Variants in ZBTB14 observed in about 807,000 individuals in gnomAD.
ZBTB14 encodes the protein zinc finger and BTB domain-containing protein 14.
A neutral mutation model predicts 29.5 loss-of-function variants in ZBTB14; 8 were observed. That is an observed-to-expected ratio of 0.27 (90% CI 0.16 to 0.49). The LOEUF (loss-of-function observed/expected upper bound fraction) is 0.49. Ranked by LOEUF, ZBTB14 falls within the 20% of genes least tolerant of loss-of-function variation. The pLI, the probability that ZBTB14 is intolerant of heterozygous loss-of-function variation, is 0.99. For missense variants in ZBTB14, 333 were observed against 563.8 expected (o/e 0.59, Z 4.15); for synonymous variants, 226 against 207.2 (o/e 1.09, Z -0.78).
At chr18:5,296,282 GTGGGCGGGGCA>G (rs1161996112), upstream of ZBTB14, 1 of 150,710 alleles carries the variant, frequency 6.6e-6, no homozygotes, top group Non-Finnish European at 1.5e-5. Flanking sequence ...GGGAGAAGGA[GTGGGCGGGGCA>G]AGGGCGGGGC....
chr18:5,291,165 A>C lies in ZBTB14; in HGVS notation c.1043T>G (p.Leu348Ter). ...CGKSFIRAPD[L>*]KKHERVHSNE... ...ACTGTGAACTCTCTCATGCTTCTTT[A>C]AGTCTGGGGCACGGATAAATGATTT... The change falls in exon 4 of 4, where the codon TTA (leucine) becomes TGA (stop). Residue 348 changes from leucine (L) to a stop codon, truncating the protein, a stop_gained. Transcript: ENST00000651870. LOFTEE classifies it high-confidence loss of function. This position sits in a 1 kb window ranked among gnomAD's most constrained non-coding sequence, Gnocchi z 5.8. The C allele has an allele frequency of 6.2e-7, 1 of 1,614,194 alleles. No individual in the cohort carries two copies. Among genetic ancestry groups the C allele is most frequent in the Non-Finnish European group, 8.5e-7 (1 of 1,180,046 alleles).
chr18:5,291,102 G>A lies in ZBTB14; in HGVS notation c.1106C>T (p.Ala369Val). The A allele has an allele frequency of 6.2e-7, 1 of 1,614,230 alleles. No individual in the cohort carries two copies. Among genetic ancestry groups the A allele is most frequent in the Non-Finnish European group, 8.5e-7 (1 of 1,180,048 alleles). The stretch of plus-strand genomic sequence containing the variant: ...CTTGAGGTGAGACTTGTGTTTGAAG[G>A]CTTTGTCACACATGTGGCACGCAAA... ...RPFACHMCDK[A>V]FKHKSHLKDH... Residue 369 changes from alanine to valine, a missense_variant, in exon 4 of 4, where the codon GCC (alanine) becomes GTC (valine). By Grantham distance (64) the Ala-to-Val change is moderately conservative. This residue lies in a region of ZBTB14 where 140 missense variants were observed against 274.6 expected (regional missense o/e 0.51). Coordinates refer to ENST00000651870, the MANE Select transcript of ZBTB14 (RefSeq NM_001243702.2). This position sits in a 1 kb window ranked among gnomAD's most constrained non-coding sequence, Gnocchi z 5.8.
intron 1 of ZBTB14, 114 bp downstream of exon 1, chr18:5,295,538 C>A (rs1397666799): frequency 1.1e-4 from 16 of 144,436 alleles, no homozygotes; most frequent in African/African-American, 4.0e-4. Context: ...TGCGAGCGCG[C>A]GCGCGGGGCC....
chr18:5,296,355 G>T (rs1458964006), upstream of ZBTB14, among the ~76,000 whole-genome samples: 4 of 150,180 alleles, frequency 2.7e-5, no homozygotes, highest in Admixed American at 6.6e-5. Flanking sequence ...CACCCGCCCC[G>T]CCTCAAGCTC....
At position 5,292,120 on chromosome 18, in the gene ZBTB14, G is replaced by C; in HGVS notation, c.88C>G (p.Arg30Gly). The C allele has an allele frequency of 6.2e-7, 1 of 1,603,118 alleles. No individual in the cohort carries two copies. Among genetic ancestry groups the C allele is most frequent in the Non-Finnish European group, 8.5e-7 (1 of 1,179,760 alleles). The change falls in exon 4 of 4, where the codon CGC (arginine) becomes GGC (glycine). Residue 30 changes from arginine (R) to glycine (G), a missense_variant. Physicochemically the swap from Arg to Gly is moderately radical, Grantham distance 125. Transcript: ENST00000651870. ...ATATCACAAAATTCTCCTTCCAGGCGTTGTTCATTTAGTGTTTTCAGAAAC... is the reference window on the plus strand; with the variant it reads ...ATATCACAAAATTCTCCTTCCAGGCCTTGTTCATTTAGTGTTTTCAGAAAC... Reference protein sequence around the residue: ...TLFLKTLNEQRLEGEFCDIAI... With the variant: ...TLFLKTLNEQGLEGEFCDIAI...
rs2071943321 is a variant in ZBTB14 at position 5,295,665 on chromosome 18, TGGCGGCCGCC to T, written c.-135_-126del. On this transcript the variant is annotated 5_prime_UTR_variant, in exon 1 of 4. The change creates a premature stop within an existing upstream ORF in the 5' untranslated region. Transcript: ENST00000651870. Reference sequence around the variant, plus strand: ...CCCCGCTCGCACCGCGCCGCGCCGCTGGCGGCCGCCGCACATCCTGGAGCTGGCTGGTGCC... The same window carrying T: ...CCCCGCTCGCACCGCGCCGCGCCGCTGCACATCCTGGAGCTGGCTGGTGCC... The T allele has an allele frequency of 6.8e-6, 1 of 146,722 alleles. No individual in the cohort carries two copies. The highest frequency in any genetic ancestry group is 1.5e-5 in the Non-Finnish European group (1 of 66,380). 9.1% of individuals were successfully genotyped at this position (146,722 alleles called of 1,614,324 possible).
rs2071757102 is a variant in ZBTB14 at position 5,289,091 on chromosome 18, C to G, written c.*1767G>C. On this transcript the variant is annotated 3_prime_UTR_variant, in exon 4 of 4. Transcript: ENST00000651870. ...TATGGTTTGTTGAAGTAGCTATTGA[C>G]AAGATGTTAAAATTATTTTTCCTTT... 6.6e-6 allele frequency: 1 copy of G among 152,140 alleles called. No homozygotes were observed. Among genetic ancestry groups the G allele is most frequent in the Non-Finnish European group, 1.5e-5 (1 of 68,024 alleles). 9.4% of individuals were successfully genotyped at this position (152,140 alleles called of 1,614,324 possible).
At chr18:5,294,802 T>G (rs2071905744) in intron 1 of ZBTB14, 1 of 152,100 alleles carries the variant, frequency 6.6e-6, no homozygotes, top group Non-Finnish European at 1.5e-5. Context: ...AAAACTTACA[T>G]AAGCAGCTGC....
At chr18:5,295,449 T>C (rs1166588539) in intron 1 of ZBTB14, among the ~76,000 whole-genome samples, 1 of 143,920 alleles carries the variant, frequency 6.9e-6, no homozygotes, top group Non-Finnish European at 1.5e-5. Flanking sequence ...CCGCGCTGGG[T>C]TCGGGCCGTC....
At chr18:5,292,992 A>G (rs1049256157) in intron 3 of ZBTB14, among the ~76,000 whole-genome samples, 2 of 152,226 alleles carry the variant, frequency 1.3e-5, no homozygotes, top group Admixed American at 6.5e-5. Flanking sequence ...TAAGTACTTG[A>G]TAAGTGCTGA....
rs775171169 is a variant in ZBTB14, at chr18:5,291,873, C to A, written c.335G>T (p.Gly112Val). The A allele has an allele frequency of 2.9e-5, 47 of 1,614,172 alleles. No homozygotes were observed. Among genetic ancestry groups the A allele is most frequent in the Non-Finnish European group, 3.8e-5 (45 of 1,180,030 alleles). The change falls in exon 4 of 4, where the codon GGT becomes GTT. Residue 112 changes from glycine (G) to valine (V), a missense_variant. Around this residue, in one of 3 missense-constraint regions of ZBTB14, gnomAD observed 67 missense variants for 157.0 expected, o/e 0.43. Coordinates refer to ENST00000651870, the MANE Select transcript of ZBTB14 (RefSeq NM_001243702.2). This position sits in a 1 kb window ranked among gnomAD's most constrained non-coding sequence, Gnocchi z 5.8. ...CAAAAATCGGATACCAAGAATCTGA[C>A]CCGATGACATCATTAAGTTAACATC... ...KEDVNLMMSS[G>V]QILGIRFLDK...
rs969712958 is a variant in ZBTB14 at position 5,290,036 on chromosome 18, C to T, written c.*822G>A. On this transcript the variant is annotated 3_prime_UTR_variant, in exon 4 of 4. Transcript: ENST00000651870. ...TCTAGGAAATCTTGGGATTGTTACA[C>T]ATGTAAAAAACCTTATCTCTGAGAG... The T allele has an allele frequency of 2.3e-4, 35 of 152,298 alleles. No individual in the cohort carries two copies. Among genetic ancestry groups the T allele is most frequent in the African/African-American group, 8.4e-4 (35 of 41,566 alleles). 9.4% of individuals were successfully genotyped at this position (152,298 alleles called of 1,614,324 possible).
chr18:5,290,940 A>T lies in ZBTB14; in HGVS notation c.1268T>A (p.Ile423Asn). The part of the protein sequence containing the change: ...SERKQVTPSA[I>N]QSETEQLQAA... Reference sequence around the variant, plus strand: ...CTGCAACTGTTCTGTCTCGCTCTGGATGGCACTGGGGGTAACCTGCTTCCT... The same window carrying T: ...CTGCAACTGTTCTGTCTCGCTCTGGTTGGCACTGGGGGTAACCTGCTTCCT... Residue 423 changes from isoleucine to asparagine, a missense_variant, in exon 4 of 4, where the codon ATC (isoleucine) becomes AAC (asparagine). Ile to Asn is a moderately radical substitution (Grantham distance 149). Coordinates refer to ENST00000651870, the MANE Select transcript of ZBTB14 (RefSeq NM_001243702.2). The T allele has an allele frequency of 6.2e-7, 1 of 1,614,230 alleles. No individual in the cohort carries two copies. The highest frequency in any genetic ancestry group is 1.1e-5 in the South Asian group (1 of 91,074).
chr18:5,295,927 TGGA>T (rs1192249260), upstream of ZBTB14: 4 of 148,242 alleles, frequency 2.7e-5, no homozygotes, highest in Admixed American at 1.3e-4. Flanking sequence ...CAGTGTGTTT[TGGA>T]TTTTTTTTTG....
At chr18:5,295,608 CGGCCCCACGCCCAACCCT>C (rs2050294117) in intron 1 of ZBTB14, 26 bp downstream of exon 1, 1 of 145,240 alleles carries the variant, frequency 6.9e-6, no homozygotes, top group African/African-American at 2.5e-5. Context: ...CGGGGCGCCC[CGGCCCCACGCCCAACCCT>C]GGCCCACGCC....
intron 1 of ZBTB14, 37 bp downstream of exon 1, chr18:5,295,615 A>AC (rs1045695617): frequency 7.4e-6 from 1 of 135,128 alleles, no homozygotes; most frequent in African/African-American, 2.7e-5. Flanking sequence ...CCCCGGCCCC[A>AC]CGCCCAACCC....
chr18:5,295,387 G>A (rs2071930387), intron 1 of ZBTB14, among the ~76,000 whole-genome samples: 1 of 143,194 alleles, frequency 7.0e-6, no homozygotes, highest in Admixed American at 6.9e-5. Context: ...GCGGCTGTAG[G>A]CGGCGCGGCG....
At position 5,291,973 on chromosome 18, in the gene ZBTB14, C is replaced by CT; in HGVS notation, c.234dup (p.Asp79ArgfsTer6). The CT allele has an allele frequency of 6.2e-7, 1 of 1,613,964 alleles. No individual in the cohort carries two copies. The highest frequency in any genetic ancestry group is 8.5e-7 in the Non-Finnish European group (1 of 1,179,998). On this transcript the variant is annotated frameshift_variant, in exon 4 of 4. Coordinates refer to ENST00000651870, the MANE Select transcript of ZBTB14 (RefSeq NM_001243702.2). LOFTEE classifies it high-confidence loss of function. This position sits in a 1 kb window ranked among gnomAD's most constrained non-coding sequence, Gnocchi z 5.8. ...TCAAATATATCAGAACGAAGAAAAT[C>CT]TATTTCTATGACCGAAGAACTATCA...
In ZBTB14 at chr18:5,293,271, T is replaced by G; in HGVS notation, c.-25A>C. 1 of 1,612,992 alleles carries G rather than the reference T, an allele frequency of 6.2e-7. No individual in the cohort carries two copies. Among genetic ancestry groups the G allele is most frequent in the Non-Finnish European group, 8.5e-7 (1 of 1,179,508 alleles). On this transcript the variant is annotated 5_prime_UTR_variant, in exon 3 of 4. Coordinates refer to ENST00000651870, the MANE Select transcript of ZBTB14 (RefSeq NM_001243702.2). ...TGAACAACTCAGGCTATTATCTTAA[T>G]GCCTTGAACGCCAAAATCTTCAGAT...
Sources: gnomAD v4.1 joint callset for allele counts (sites outside exome capture counted in the v4.1 genomes callset) on GRCh38, gnomAD v4.1.1 for gene constraint, gnomAD v4.1.1 regional missense constraint, Gnocchi (gnomAD v3.1) non-coding constraint, MANE v1.5 for transcripts, NCBI Gene and HGNC (gene_info 2026-07-23, HGNC 2026-07-21) for gene names.